The following EEFSEC variants were observed in gnomAD, a reference collection of about 807,000 sequenced individuals.
The protein encoded by EEFSEC is eukaryotic elongation factor, selenocysteine-tRNA specific.
EEFSEC carries 43 observed loss-of-function variants against 42.1 expected under a neutral mutation model. The observed-to-expected ratio is 1.02, with a 90% CI of 0.80 to 1.32. The LOEUF (loss-of-function observed/expected upper bound fraction) is 1.32. EEFSEC is among the 40% of genes most tolerant of loss of function. EEFSEC has a pLI of 0.00. For missense variants in EEFSEC, 745 were observed against 803.6 expected (o/e 0.93, Z 0.88); for synonymous variants, 354 against 339.1 (o/e 1.04, Z -0.48).
chr3:128,412,170 G>T (rs1271723400), downstream of EEFSEC, among the ~76,000 whole-genome samples: 1 of 152,234 alleles, frequency 6.6e-6, no homozygotes, highest in Admixed American at 6.5e-5. Context: ...TTTGCCCCAT[G>T]GGCAAAGGGC....
chr3:128,322,676 CAG>C (rs1021237342), intron 4 of EEFSEC, among the ~76,000 whole-genome samples: 5 of 152,350 alleles, frequency 3.3e-5, no homozygotes, highest in African/African-American at 1.2e-4. Flanking sequence ...GCTGATGGGG[CAG>C]AGACTCAGAG....
In EEFSEC at chr3:128,365,083, G is replaced by T. The variant is rs376756527; in HGVS notation, c.1600+6710G>T. Reference sequence around the variant, plus strand: ...TTCCAGCTGGTAGCCCGTGGCCCCTGTGCTGAATCAGGTGTCTCAGGGCTC... The same window carrying T: ...TTCCAGCTGGTAGCCCGTGGCCCCTTTGCTGAATCAGGTGTCTCAGGGCTC... On this transcript the variant is annotated intron_variant, in intron 6 of 6. Coordinates refer to ENST00000254730, the MANE Select transcript of EEFSEC (RefSeq NM_021937.5). 1.3e-4 allele frequency among the ~76,000 whole-genome samples: 20 copies of T among 152,350 alleles called. No homozygotes were observed. The South Asian group carries it at 4.1e-3, about 32-fold the overall frequency.
Position 128,260,527 on chromosome 3 carries a change from G to A in EEFSEC, c.525-1601G>A, listed in dbSNP as rs1273755296. On this transcript the variant is annotated intron_variant, in intron 2 of 6. Coordinates refer to ENST00000254730, the MANE Select transcript of EEFSEC (RefSeq NM_021937.5). The stretch of plus-strand genomic sequence containing the variant: ...CTATTTGCACTAAGCAAGCTCCAAG[G>A]CAGGTCAAATAAATATAGCATTGTG... Among the ~76,000 whole-genome samples, 5 of 152,174 alleles carry A rather than the reference G, an allele frequency of 3.3e-5. No homozygotes were observed. The East Asian group carries it at 9.6e-4, about 29-fold the overall frequency.
At chr3:128,237,609 C>A (rs2066026176) in intron 1 of EEFSEC, among the ~76,000 whole-genome samples, 1 of 152,246 alleles carries the variant, frequency 6.6e-6, no homozygotes, top group Non-Finnish European at 1.5e-5. Flanking sequence ...CTGCTCCCCT[C>A]TCCCAGCTCT....
At chr3:128,402,757 C>G (rs1477436807) in intron 6 of EEFSEC, among the ~76,000 whole-genome samples, 1 of 152,190 alleles carries the variant, frequency 6.6e-6, no homozygotes, top group Admixed American at 6.5e-5. Context: ...TGTCACCAGC[C>G]AGTGCTTAAA....
chr3:128,284,280 T>C (rs2066560259), intron 4 of EEFSEC, among the ~76,000 whole-genome samples: 1 of 152,238 alleles, frequency 6.6e-6, no homozygotes, highest in South Asian at 2.1e-4. Flanking sequence ...ACTACACAAT[T>C]CTTCCTAGAA....
chr3:128,276,320 A>G (rs571658296), intron 4 of EEFSEC, among the ~76,000 whole-genome samples: 31 of 152,340 alleles, frequency 2.0e-4, no homozygotes, highest in African/African-American at 6.5e-4. Flanking sequence ...GCAGGAACCA[A>G]GGAATTAACA....
intron 4 of EEFSEC, among the ~76,000 whole-genome samples, chr3:128,294,752 C>T (rs538160661): frequency 9.2e-5 from 14 of 152,234 alleles, no homozygotes; most frequent in Non-Finnish European, 1.5e-4. Context: ...GAGGGTATTC[C>T]CATCAGAGGA....
At chr3:128,224,839 A>G (rs1359656329) in intron 1 of EEFSEC, among the ~76,000 whole-genome samples, 3 of 152,186 alleles carry the variant, frequency 2.0e-5, no homozygotes, top group Admixed American at 6.5e-5. Context: ...TCCTCCCTCC[A>G]CAAAAGGATA....
chr3:128,331,708 C>T (rs922438982), intron 4 of EEFSEC, among the ~76,000 whole-genome samples: 2 of 152,080 alleles, frequency 1.3e-5, no homozygotes, highest in African/African-American at 4.8e-5. Flanking sequence ...CTAGGAGAGA[C>T]TTTTTCCTGG....
intron 4 of EEFSEC, chr3:128,337,021 G>A (rs762498479): frequency 6.6e-6 from 1 of 152,232 alleles, no homozygotes; most frequent in Non-Finnish European, 1.5e-5. Context: ...TTATTCAGTA[G>A]ATGGAGAGAG....
chr3:128,191,953 A>G (rs1016478966), intron 1 of EEFSEC, among the ~76,000 whole-genome samples: 7 of 152,270 alleles, frequency 4.6e-5, no homozygotes, highest in African/African-American at 1.4e-4. Context: ...CTTGTTTTCA[A>G]GTCCTTCGAG....
chr3:128,348,294 G>A (rs1020600272), intron 5 of EEFSEC, among the ~76,000 whole-genome samples: 12 of 149,858 alleles, frequency 8.0e-5, no homozygotes, highest in East Asian at 2.0e-4. Flanking sequence ...GTGTGTGTGC[G>A]TGTGTGTGTG....
intron 6 of EEFSEC, among the ~76,000 whole-genome samples, chr3:128,373,319 G>A (rs540433268): frequency 2.0e-5 from 3 of 152,342 alleles, no homozygotes; most frequent in Non-Finnish European, 4.4e-5. Context: ...TGTGGATGTT[G>A]GGCCCACCTT....
intron 1 of EEFSEC, among the ~76,000 whole-genome samples, chr3:128,195,362 C>T (rs1315666674): frequency 2.6e-5 from 4 of 152,156 alleles, no homozygotes; most frequent in Non-Finnish European, 5.9e-5. Flanking sequence ...AACACCATGG[C>T]AATGGAGGGG....
At chr3:128,212,634 C>T (rs745398161) in intron 1 of EEFSEC, among the ~76,000 whole-genome samples, 4 of 152,210 alleles carry the variant, frequency 2.6e-5, no homozygotes, top group Non-Finnish European at 4.4e-5. Flanking sequence ...TGGAGAAGAT[C>T]TGGTTTAGAA....
chr3:128,154,478 C>G (rs972662394), intron 1 of EEFSEC, among the ~76,000 whole-genome samples: 9 of 150,998 alleles, frequency 6.0e-5, no homozygotes, highest in Non-Finnish European at 8.8e-5. Context: ...GAGACAGAGT[C>G]TTGTTCTGTC....
At chr3:128,155,839 T>C (rs898041844) in intron 1 of EEFSEC, among the ~76,000 whole-genome samples, 20 of 152,174 alleles carry the variant, frequency 1.3e-4, no homozygotes, top group African/African-American at 4.3e-4. Context: ...GTAGAGGAAA[T>C]AGAAGTTTGA....
chr3:128,381,014 T>C (rs1352223538), intron 6 of EEFSEC, among the ~76,000 whole-genome samples: 1 of 152,234 alleles, frequency 6.6e-6, no homozygotes, highest in Non-Finnish European at 1.5e-5. Context: ...AGGCCTAGGA[T>C]CAACCCAGAA....
Sources: gnomAD v4.1 joint callset for allele counts (sites outside exome capture counted in the v4.1 genomes callset) on GRCh38, gnomAD v4.1.1 for gene constraint, MANE v1.5 for transcripts, NCBI Gene and HGNC (gene_info 2026-07-23, HGNC 2026-07-21) for gene names.